FAT1: variants seen among roughly 807,000 people sequenced by gnomAD.
The protein encoded by FAT1 is FAT atypical cadherin 1, also known as protocadherin Fat 1.
FAT1 carries 171 observed loss-of-function variants against 329.8 expected under a neutral mutation model. The observed-to-expected ratio is 0.52, with a 90% CI of 0.46 to 0.59. FAT1 has a LOEUF of 0.59. Ranked by LOEUF, FAT1 falls within the 20% of genes least tolerant of loss-of-function variation. The pLI is 0.00. For synonymous variants in FAT1, 2,233 were observed against 2,228.6 expected, an observed-to-expected ratio of 1.00 and a Z score of -0.06; for missense variants, 5,672 against 5,774.4, an observed-to-expected ratio of 0.98 and a Z score of 0.57.
At chr4:186,638,723 C>T (rs1560957603) in intron 4 of FAT1, among the ~76,000 whole-genome samples, 2 of 152,040 alleles carry the variant, frequency 1.3e-5, no homozygotes, top group Admixed American at 6.5e-5. Flanking sequence ...TGAAATTAAG[C>T]AGGCAGCATT....
chr4:186,719,999 A>T (rs1251018195), intron 1 of FAT1, among the ~76,000 whole-genome samples: 1 of 152,220 alleles, frequency 6.6e-6, no homozygotes. Flanking sequence ...TTAACCTTGC[A>T]TTAAAGACCT....
Position 186,588,445 on chromosome 4 carries a change from A to T in FAT1, c.*147T>A. ...AGTAGTTGGGACACTGGAAATGGCTAGCACGTCCAGAGGCGCAGGATCCAG... is the reference window on the plus strand; with the variant it reads ...AGTAGTTGGGACACTGGAAATGGCTTGCACGTCCAGAGGCGCAGGATCCAG... On this transcript the variant is annotated 3_prime_UTR_variant, in exon 27 of 27. Coordinates refer to ENST00000441802, the MANE Select transcript of FAT1 (RefSeq NM_005245.4). The T allele has an allele frequency of 1.1e-6, 1 of 913,892 alleles. No homozygotes were observed. The highest frequency in any genetic ancestry group is 1.6e-6 in the Non-Finnish European group (1 of 625,442). 56.6% of individuals were successfully genotyped at this position (913,892 alleles called of 1,614,324 possible). A position where few individuals can be genotyped will look rare whatever the true frequency, so the allele number is the denominator to read the frequency against.
In FAT1 at chr4:186,588,807, G is replaced by C. The variant is rs772588307; in HGVS notation, c.13552C>G (p.Pro4518Ala). ...ENSTCREPHA[P>A]YPPGYQRHFE... ...TGTCTTTGATACCCTGGCGGGTAAGGGGCATGGGGTTCTCTACAAGTACTA... is the reference window on the plus strand; with the variant it reads ...TGTCTTTGATACCCTGGCGGGTAAGCGGCATGGGGTTCTCTACAAGTACTA... The change falls in exon 27 of 27, where the codon CCT becomes GCT. Residue 4518 changes from proline to alanine, a missense_variant. Physicochemically the swap from Pro to Ala is conservative, Grantham distance 27. Around this residue, in one of 2 missense-constraint regions of FAT1, gnomAD observed 1,706 missense variants for 1,859.1 expected, o/e 0.92. Transcript: ENST00000441802. The C allele has an allele frequency of 6.2e-7, 1 of 1,613,990 alleles. No individual in the cohort carries two copies. The highest frequency in any genetic ancestry group is 1.7e-5 in the Admixed American group (1 of 60,014).
At chr4:186,710,005 T>C (rs1196035799) in intron 1 of FAT1, among the ~76,000 whole-genome samples, 160 bp from the exon 2 acceptor site, 1 of 152,216 alleles carries the variant, frequency 6.6e-6, no homozygotes, top group East Asian at 1.9e-4. Context: ...AATATAAGTA[T>C]CAACATTCTT....
At chr4:186,640,192 AAAG>A (rs1377099154) in intron 3 of FAT1, among the ~76,000 whole-genome samples, 4 of 152,214 alleles carry the variant, frequency 2.6e-5, no homozygotes, top group Non-Finnish European at 4.4e-5. Context: ...CTCAAGAAAA[AAAG>A]AAGAAAGAAA....
At chr4:186,726,313 T>G (rs1262203953), upstream of FAT1, 1 of 152,214 alleles carries the variant, frequency 6.6e-6, no homozygotes, top group Admixed American at 6.5e-5. Context: ...CGTTTAAACT[T>G]AAATGCCAAA....
chr4:186,635,902 T>C (rs1490813356), intron 6 of FAT1, 123 bp downstream of exon 6: 3 of 802,594 alleles, frequency 3.7e-6, no homozygotes, highest in Non-Finnish European at 5.9e-6. Context: ...GAAAGCAAAT[T>C]CTCCACCTGT....
At chr4:186,610,643 TAATTTATATAA>T (rs1437644537) in intron 14 of FAT1, among the ~76,000 whole-genome samples, 58 of 94,726 alleles carry the variant, frequency 6.1e-4, no homozygotes, top group Admixed American at 2.1e-3. Context: ...ATAATTTATA[TAATTTATATAA>T]ATATAAATTA....
chr4:186,595,666 G>T (rs1478010113), intron 26 of FAT1, 23 bp downstream of exon 26: 1 of 1,613,324 alleles, frequency 6.2e-7, no homozygotes, highest in Non-Finnish European at 8.5e-7. Context: ...AAAGCGCAGT[G>T]TTGCAGCACA....
intron 22 of FAT1, 21 bp downstream of exon 22, chr4:186,599,877 T>C: frequency 4.4e-6 from 7 of 1,579,714 alleles, no homozygotes; most frequent in Middle Eastern, 2.1e-4. Flanking sequence ...ATTTTAAAGA[T>C]GGCAACATTA....
At position 186,619,515 on chromosome 4, in the gene FAT1, C is replaced by T. The variant is rs745430071; in HGVS notation, c.7071G>A (p.Thr2357=). The T allele has an allele frequency of 1.1e-5, 18 of 1,613,810 alleles. No homozygotes were observed. Among genetic ancestry groups the T allele is most frequent in the African/African-American group, 6.7e-5 (5 of 74,898 alleles). Residue 2357 remains threonine (T), a synonymous_variant, in exon 10 of 27, where the codon ACG becomes ACA. Transcript: ENST00000441802. ...CACCATCAACTGCCCTCACAAAAAT[C>T]GTGTGCTGCCGGGACTGCTCGTAAT... ...TLDYEQSRQH[T]IFVRAVDGGM... is the part of the protein sequence containing the mutation.
At chr4:186,611,823 A>G in intron 13 of FAT1, 48 bp from the exon 14 acceptor site, 1 of 1,465,302 alleles carries the variant, frequency 6.8e-7, no homozygotes, top group Non-Finnish European at 9.2e-7. Flanking sequence ...AAAAAAGTTT[A>G]ACACTTTTTT....
At chr4:186,592,032 C>T (rs1289001489) in intron 26 of FAT1, among the ~76,000 whole-genome samples, 1 of 152,142 alleles carries the variant, frequency 6.6e-6, no homozygotes, top group East Asian at 1.9e-4. Context: ...TGCTGAGAAC[C>T]AGCAATTGGG....
At chr4:186,715,825 C>A (rs1030515302) in intron 1 of FAT1, among the ~76,000 whole-genome samples, 2 of 152,168 alleles carry the variant, frequency 1.3e-5, no homozygotes, top group Non-Finnish European at 2.9e-5. Flanking sequence ...GGCTCCCAGT[C>A]TAAAGCTTAA....
chr4:186,590,483 C>A, intron 26 of FAT1: 1 of 1,002,100 alleles, frequency 1.0e-6, no homozygotes, highest in South Asian at 1.3e-5. Flanking sequence ...GGTAAGTACA[C>A]AGAACAATGA....
At chr4:186,616,952 G>T in intron 11 of FAT1, 53 bp downstream of exon 11, 2 of 1,504,648 alleles carry the variant, frequency 1.3e-6, no homozygotes, top group Non-Finnish European at 1.8e-6. Flanking sequence ...CCCATTGAAA[G>T]AATTAAGAAA....
intron 2 of FAT1, among the ~76,000 whole-genome samples, chr4:186,676,264 T>C (rs1233661170): frequency 1.4e-5 from 2 of 147,558 alleles, no homozygotes; most frequent in Non-Finnish European, 3.0e-5. Context: ...AAAATAAATG[T>C]CAATTCATTT....
intron 10 of FAT1, 136 bp from the exon 11 acceptor site, chr4:186,617,337 A>G (rs1197004924): frequency 1.5e-6 from 1 of 676,452 alleles, no homozygotes; most frequent in Non-Finnish European, 2.3e-6. Context: ...TTAATTTGGC[A>G]TATATTAGCC....
chr4:186,608,609 A>G (rs1739250480), intron 16 of FAT1, among the ~76,000 whole-genome samples: 1 of 152,180 alleles, frequency 6.6e-6, no homozygotes, highest in Admixed American at 6.5e-5. Context: ...GAATCTGCAG[A>G]TAGAGGGGAG....
Sources: gnomAD v4.1 joint callset for allele counts (sites outside exome capture counted in the v4.1 genomes callset) on GRCh38, gnomAD v4.1.1 for gene constraint, gnomAD v4.1.1 regional missense constraint, MANE v1.5 for transcripts, NCBI Gene and HGNC (gene_info 2026-07-23, HGNC 2026-07-21) for gene names.